ANKS6: variants seen among roughly 807,000 people sequenced by gnomAD.
ANKS6 encodes the protein ankyrin repeat and SAM domain-containing protein 6.
ANKS6 carries 47 observed loss-of-function variants against 77.9 expected under a neutral mutation model. That is an observed-to-expected ratio of 0.60 (90% CI 0.48 to 0.77). The LOEUF (loss-of-function observed/expected upper bound fraction) is 0.77. ANKS6 is among the 30% of genes least tolerant of loss of function. The probability of loss-of-function intolerance (pLI) is 0.00; values close to 1 mark genes in which losing one functional copy is unlikely to be tolerated. For missense variants in ANKS6, 1,150 were observed against 1,159.1 expected (o/e 0.99, Z 0.11); for synonymous variants, 488 against 501.7 (o/e 0.97, Z 0.37).
Position 98,735,851 on chromosome 9 carries a change from C to G in ANKS6, c.*668G>C. 8.1e-7 allele frequency: 1 copy of G among 1,231,766 alleles called. No individual in the cohort carries two copies. The highest frequency in any genetic ancestry group is 1.0e-6 in the Non-Finnish European group (1 of 988,074). 76.3% of individuals were successfully genotyped at this position (1,231,766 alleles called of 1,614,324 possible). On this transcript the variant is annotated 3_prime_UTR_variant, in exon 15 of 15. Transcript: ENST00000353234. ...ATGCAGCAGGTGCAGTGGAATGCTA[C>G]AGCAGTCACATACACAGCACTAAGG...
intron 7 of ANKS6, among the ~76,000 whole-genome samples, 171 bp from the exon 8 acceptor site, chr9:98,777,625 T>C (rs1039896392): frequency 6.6e-5 from 10 of 152,316 alleles, no homozygotes; most frequent in Non-Finnish European, 1.0e-4. Flanking sequence ...AAAAGGTATA[T>C]TGGAGCATGT....
Position 98,773,865 on chromosome 9 carries a change from A to G in ANKS6, c.1821+12T>C, listed in dbSNP as rs763765047. Reference sequence around the variant, plus strand: ...TGAGTGATGTGTAAAAGTGTGTCAGAAGACAACTTACAGTGTCTGTGCCCC... The same window carrying G: ...TGAGTGATGTGTAAAAGTGTGTCAGGAGACAACTTACAGTGTCTGTGCCCC... On this transcript the variant is annotated intron_variant, in intron 9 of 14. Coordinates refer to ENST00000353234, the MANE Select transcript of ANKS6 (RefSeq NM_173551.5). The G allele has an allele frequency of 6.6e-7, 1 of 1,515,630 alleles. No individual in the cohort carries two copies. The highest frequency in any genetic ancestry group is 8.8e-7 in the Non-Finnish European group (1 of 1,135,880). 93.9% of individuals were successfully genotyped at this position (1,515,630 alleles called of 1,614,324 possible).
chr9:98,751,582 C>G (rs532914719), intron 12 of ANKS6, among the ~76,000 whole-genome samples: 1 of 152,132 alleles, frequency 6.6e-6, no homozygotes, highest in Non-Finnish European at 1.5e-5. Flanking sequence ...GAGGCTGTGG[C>G]CTTCCTGAAG....
chr9:98,753,183 C>A (rs988113977), intron 12 of ANKS6, among the ~76,000 whole-genome samples: 3 of 152,062 alleles, frequency 2.0e-5, no homozygotes, highest in East Asian at 1.9e-4. Flanking sequence ...TCCATATAGC[C>A]AATTGATTCT....
At chr9:98,787,010 C>T (rs1403321523) in intron 2 of ANKS6, among the ~76,000 whole-genome samples, 1 of 152,196 alleles carries the variant, frequency 6.6e-6, no homozygotes, top group Non-Finnish European at 1.5e-5. Context: ...CAACTCCACA[C>T]CACAACCTCA....
At chr9:98,780,148 T>G (rs1210554372) in intron 6 of ANKS6, 41 bp downstream of exon 6, 1 of 1,609,342 alleles carries the variant, frequency 6.2e-7, no homozygotes, top group East Asian at 2.2e-5. Context: ...AGCCCCCATC[T>G]CCCTAGCCCC....
At chr9:98,748,781 T>G (rs150405084) in intron 13 of ANKS6, among the ~76,000 whole-genome samples, 251 of 152,282 alleles carry the variant, frequency 1.6e-3, no homozygotes, top group African/African-American at 5.7e-3. Flanking sequence ...ATTTTGGTAT[T>G]TTTCAAATAC....
At chr9:98,758,788 T>G (rs899706358) in intron 11 of ANKS6, among the ~76,000 whole-genome samples, 17 of 152,222 alleles carry the variant, frequency 1.1e-4, no homozygotes, top group Non-Finnish European at 1.6e-4. Flanking sequence ...AATCCTGGTA[T>G]ATATGTTAAG....
chr9:98,742,518 CT>C (rs1418849498), intron 14 of ANKS6, among the ~76,000 whole-genome samples: 1 of 152,226 alleles, frequency 6.6e-6, no homozygotes, highest in Non-Finnish European at 1.5e-5. Context: ...GATACATGGT[CT>C]TCACTTCCAG....
chr9:98,768,475 G>A (rs1833428182), intron 10 of ANKS6, among the ~76,000 whole-genome samples: 1 of 152,160 alleles, frequency 6.6e-6, no homozygotes, highest in Non-Finnish European at 1.5e-5. Context: ...TAAGAGGTGG[G>A]AAGCAGCAGC....
In ANKS6 at chr9:98,780,461, A is replaced by G. The variant is rs972738095; in HGVS notation, c.1220-124T>C. On this transcript the variant is annotated intron_variant, in intron 5 of 14. Coordinates refer to ENST00000353234, the MANE Select transcript of ANKS6 (RefSeq NM_173551.5). ...GCAGCTCCAGGGTCTGTGTAATTCC[A>G]GAATCAAGGCACCTGCCTCTCCATC... 11 of 1,166,488 alleles carry G rather than the reference A, an allele frequency of 9.4e-6. No individual in the cohort carries two copies. In the South Asian group the frequency reaches 1.6e-4, roughly 17 times the overall value. 72.3% of individuals were successfully genotyped at this position (1,166,488 alleles called of 1,614,324 possible). A position where few individuals can be genotyped will look rare whatever the true frequency, so the allele number is the denominator to read the frequency against.
In ANKS6 at chr9:98,782,465, AC is replaced by A. The variant is rs1166866890; in HGVS notation, c.1219+1del. 1 of 1,613,076 alleles carries A rather than the reference AC, an allele frequency of 6.2e-7. No homozygotes were observed. The highest frequency in any genetic ancestry group is 8.5e-7 in the Non-Finnish European group (1 of 1,179,124). ...TACAACCCTTTTCTTGAAATTACCT[AC>A]CGGGATCATTCAGCAGCATCACCAG... On this transcript the variant is annotated splice_donor_variant, in intron 5 of 14. Transcript: ENST00000353234. LOFTEE classifies it high-confidence loss of function.
intron 2 of ANKS6, among the ~76,000 whole-genome samples, chr9:98,786,701 AAT>A (rs1027833989): frequency 6.6e-6 from 1 of 152,208 alleles, no homozygotes; most frequent in South Asian, 2.1e-4. Context: ...TTTTAAAAAA[AAT>A]ATGTCATGTT....
rs375723164 is a variant in ANKS6 at position 98,780,411 on chromosome 9, CCT to C, written c.1220-76_1220-75del. ...CATAAGGAGAAGACTCAAGATGACC[CCT>C]GTTAGACTTAGAACTCAGCCCTGCA... is the stretch of plus-strand genomic sequence containing the variant. On this transcript the variant is annotated intron_variant, in intron 5 of 14. Transcript: ENST00000353234. 1,613 of 1,474,208 alleles carry C rather than the reference CCT, an allele frequency of 1.1e-3. 9 individuals are homozygous for C. The African/African-American group carries it at 0.015, about 14-fold the overall frequency. 91.3% of individuals were successfully genotyped at this position (1,474,208 alleles called of 1,614,324 possible). A position where few individuals can be genotyped will look rare whatever the true frequency, so the allele number is the denominator to read the frequency against.
At position 98,734,624 on chromosome 9, in the gene ANKS6, A is replaced by T. The variant is rs1465420953; in HGVS notation, c.*1895T>A. 25 of 970,800 alleles carry T rather than the reference A, an allele frequency of 2.6e-5. No homozygotes were observed. The highest frequency in any genetic ancestry group is 2.9e-5 in the Non-Finnish European group (24 of 816,902). 60.1% of individuals were successfully genotyped at this position (970,800 alleles called of 1,614,324 possible). The stretch of plus-strand genomic sequence containing the variant: ...TGCAAGCCCACCAGGTCCGGTTCTG[A>T]CCCCAGATCTGCTCCTTCTGGGCTG... On this transcript the variant is annotated 3_prime_UTR_variant, in exon 15 of 15. Coordinates refer to ENST00000353234, the MANE Select transcript of ANKS6 (RefSeq NM_173551.5).
At chr9:98,737,250 C>T (rs1343232828) in intron 14 of ANKS6, among the ~76,000 whole-genome samples, 1 of 152,176 alleles carries the variant, frequency 6.6e-6, no homozygotes, top group Admixed American at 6.5e-5. Flanking sequence ...ACAGAGACTG[C>T]GTCCTAGCCA....
At chr9:98,737,429 A>G (rs778007909) in intron 14 of ANKS6, among the ~76,000 whole-genome samples, 7 of 152,208 alleles carry the variant, frequency 4.6e-5, no homozygotes, top group Non-Finnish European at 7.3e-5. Flanking sequence ...CTATACAACA[A>G]CAGTGACCAA....
Position 98,776,919 on chromosome 9 carries a change from T to C in ANKS6, c.1617+486A>G, listed in dbSNP as rs931492170. ...TGAGCCATATACTAGTTCTGGACTT[T>C]GTTTACTTGAATGAAGTAGGCTGCT... On this transcript the variant is annotated intron_variant, in intron 8 of 14. Transcript: ENST00000353234. Among the ~76,000 whole-genome samples the C allele has an allele frequency of 2.6e-5, 4 of 152,232 alleles. No individual in the cohort carries two copies. The East Asian group carries it at 5.8e-4, about 22-fold the overall frequency.
rs771026302 is a variant in ANKS6, at chr9:98,780,274, G to A, written c.1283C>T (p.Pro428Leu). ...GTGGGGCAGGGGAGGCTGGTGGCTC[G>A]GCCGGCCTTTGTCTTTATTCACCTG... The part of the protein sequence containing the change: ...CMQVNKDKGR[P>L]SHQPPLPHSK... Residue 428 changes from proline to leucine, a missense_variant, in exon 6 of 15, where the codon CCG (proline) becomes CTG (leucine). Pro to Leu is a moderately conservative substitution (Grantham distance 98, BLOSUM62 -3). Transcript: ENST00000353234. 1.8e-5 allele frequency: 29 copies of A among 1,612,064 alleles called. No homozygotes were observed. Among genetic ancestry groups the A allele is most frequent in the East Asian group, 1.3e-4 (6 of 44,862 alleles).
Sources: gnomAD v4.1 joint callset for allele counts (sites outside exome capture counted in the v4.1 genomes callset) on GRCh38, gnomAD v4.1.1 for gene constraint, MANE v1.5 for transcripts, NCBI Gene and HGNC (gene_info 2026-07-23, HGNC 2026-07-21) for gene names.